Variants in BECN1 observed in about 807,000 individuals in gnomAD.
BECN1 encodes the protein beclin-1.
BECN1 carries 15 observed loss-of-function variants against 60.1 expected under a neutral mutation model. The observed-to-expected ratio is 0.25, with a 90% CI of 0.17 to 0.38. The LOEUF (loss-of-function observed/expected upper bound fraction) is 0.38, where lower values mean the gene tolerates loss of function less well. BECN1 is among the 10% of genes least tolerant of loss of function. The probability of loss-of-function intolerance (pLI) is 1.00; values close to 1 mark genes in which losing one functional copy is unlikely to be tolerated. For synonymous variants in BECN1, 179 were observed against 201.8 expected (o/e 0.89, Z 0.96); for missense variants, 424 against 548.2 (o/e 0.77, Z 2.26).
At chr17:42,814,791 G>A in intron 8 of BECN1, 118 bp from the exon 9 acceptor site, 1 of 1,289,504 alleles carries the variant, frequency 7.8e-7, no homozygotes, top group Non-Finnish European at 1.1e-6. Context: ...TATGCAAGCT[G>A]TACTTGGCAC....
intron 3 of BECN1, 122 bp from the exon 4 acceptor site, chr17:42,819,731 G>C: frequency 1.0e-6 from 1 of 996,030 alleles, no homozygotes; most frequent in Non-Finnish European, 1.5e-6. Flanking sequence ...AAACCACAGA[G>C]ACTTAAAAAA....
In BECN1 at chr17:42,811,781, C is replaced by G; in HGVS notation, c.1058G>C (p.Cys353Ser). 1 of 1,614,032 alleles carries G rather than the reference C, an allele frequency of 6.2e-7. No homozygotes were observed. The highest frequency in any genetic ancestry group is 1.7e-5 in the Admixed American group (1 of 59,990). ...CCAGAAAAACCGCAACCCCCCAGAA[C>G]AGTATAACGGCAGCTCCTGCCCAAG... ...TDKSKELPLYCSGGLRFFWDN... is the reference protein window; with the variant it reads ...TDKSKELPLYSSGGLRFFWDN... Residue 353 changes from cysteine to serine, a missense_variant, in exon 11 of 12, where the codon TGT becomes TCT. Transcript: ENST00000590099.
Position 42,814,148 on chromosome 17 carries a change from T to C in BECN1, c.981-140A>G, listed in dbSNP as rs117946163. ...CTCAACTCCCTCTCCCACCTCCCCA[T>C]TGAATCCATGTTTAAAAGATTTTGT... On this transcript the variant is annotated intron_variant, in intron 9 of 11. Transcript: ENST00000590099. 225 of 569,552 alleles carry C rather than the reference T, an allele frequency of 4.0e-4. 2 individuals carry two copies. The highest frequency in any genetic ancestry group is 6.1e-4 in the Non-Finnish European group (200 of 327,450). The allele number at this position is 569,552 out of a possible 1,614,324, so 35.3% of individuals were successfully genotyped here.
chr17:42,811,229 C>A, intron 11 of BECN1: 1 of 317,860 alleles, frequency 3.1e-6, no homozygotes, highest in Non-Finnish European at 5.7e-6. Context: ...CTGAACTTGG[C>A]GGGGGAGAAA....
intron 2 of BECN1, among the ~76,000 whole-genome samples, chr17:42,823,279 G>A (rs1300745187): frequency 2.0e-5 from 3 of 152,052 alleles, no homozygotes; most frequent in Non-Finnish European, 4.4e-5. Context: ...TTTTGAGACG[G>A]AGCCTCGCTC....
intron 10 of BECN1, 169 bp downstream of exon 10, chr17:42,813,779 C>T: frequency 2.0e-6 from 1 of 508,064 alleles, no homozygotes; most frequent in Non-Finnish European, 3.5e-6. Context: ...TTTCTGTCTA[C>T]AAGACCCCCA....
At chr17:42,817,350 G>A (rs2055169116) in intron 7 of BECN1, among the ~76,000 whole-genome samples, 1 of 151,558 alleles carries the variant, frequency 6.6e-6, no homozygotes. Context: ...GCCATAATTG[G>A]CCTTCTAAAG....
In BECN1 at chr17:42,823,745, G is replaced by A. The variant is rs796666163; in HGVS notation, c.130+3C>T. Reference sequence around the variant, plus strand: ...CCACCCTCTTTCCAAGGGTCTCGCTGACCTGTGAGTTCCTGGATGGTGACA... The same window carrying A: ...CCACCCTCTTTCCAAGGGTCTCGCTAACCTGTGAGTTCCTGGATGGTGACA... On this transcript the variant is annotated splice_donor_region_variant and intron_variant, in intron 2 of 11. Coordinates refer to ENST00000590099, the MANE Select transcript of BECN1 (RefSeq NM_001313998.2). The A allele has an allele frequency of 6.2e-7, 1 of 1,613,588 alleles. No individual in the cohort carries two copies. The highest frequency in any genetic ancestry group is 8.5e-7 in the Non-Finnish European group (1 of 1,179,664).
chr17:42,812,605 C>T (rs1220745525), intron 10 of BECN1: 1 of 149,626 alleles, frequency 6.7e-6, no homozygotes, highest in Non-Finnish European at 1.5e-5. Flanking sequence ...CCCAGCTACT[C>T]GGGAGGAGAG....
chr17:42,815,891 C>G lies in BECN1; in HGVS notation c.830+17G>C. On this transcript the variant is annotated intron_variant, in intron 8 of 11. Transcript: ENST00000590099. ...TCTAGATATGTGCAGTGCTCCTCATCCCCTAGCTCTCATTACCAGATGTGG... is the reference window on the plus strand; with the variant it reads ...TCTAGATATGTGCAGTGCTCCTCATGCCCTAGCTCTCATTACCAGATGTGG... 1 of 1,614,190 alleles carries G rather than the reference C, an allele frequency of 6.2e-7. No homozygotes were observed. Among genetic ancestry groups the G allele is most frequent in the South Asian group, 1.1e-5 (1 of 91,078 alleles).
Position 42,810,704 on chromosome 17 carries a change from T to A in BECN1, c.*56A>T. The A allele has an allele frequency of 5.3e-6, 8 of 1,507,340 alleles. No individual in the cohort carries two copies. In the South Asian group the frequency reaches 1.0e-4, roughly 20 times the overall value. The allele number at this position is 1,507,340 out of a possible 1,614,324, so 93.4% of individuals were successfully genotyped here. A position where few individuals can be genotyped will look rare whatever the true frequency, so the allele number is the denominator to read the frequency against. ...ACCCGAATTTAATTTAAAACATGTT[T>A]GCAAACAAAACAAAATTAAAAGCCT... On this transcript the variant is annotated 3_prime_UTR_variant, in exon 12 of 12. Transcript: ENST00000590099.
intron 9 of BECN1, 74 bp from the exon 10 acceptor site, chr17:42,814,082 G>T: frequency 1.9e-6 from 2 of 1,052,056 alleles, no homozygotes; most frequent in Non-Finnish European, 2.8e-6. Flanking sequence ...ACAACCCAAT[G>T]ATTTCACTCT....
At chr17:42,811,058 G>T in intron 11 of BECN1, 130 bp from the exon 12 acceptor site, 1 of 1,030,826 alleles carries the variant, frequency 9.7e-7, no homozygotes, top group Non-Finnish European at 1.3e-6. Flanking sequence ...GAATGATAGT[G>T]TATTTTGGAT....
rs2055190176 is a variant in BECN1 at position 42,818,422 on chromosome 17, A to G, written c.489-7T>C. Reference sequence around the variant, plus strand: ...TAAGATCTCCAAACAGCGTCTGCCAAAGACACAGGCAGACTATACTTACTA... The same window carrying G: ...TAAGATCTCCAAACAGCGTCTGCCAGAGACACAGGCAGACTATACTTACTA... On this transcript the variant is annotated splice_region_variant and splice_polypyrimidine_tract_variant and intron_variant, in intron 6 of 11. Transcript: ENST00000590099. 6.2e-7 allele frequency: 1 copy of G among 1,613,946 alleles called. No homozygotes were observed. Among genetic ancestry groups the G allele is most frequent in the African/African-American group, 1.3e-5 (1 of 75,022 alleles).
In BECN1 at chr17:42,816,115, A is replaced by C. The variant is rs184474102; in HGVS notation, c.684-61T>G. ...GCTTGGGGGCTAAAGTTTCTCTCTC[A>C]CCACACTATGAACGATTCTTTAGTG... On this transcript the variant is annotated intron_variant, in intron 7 of 11. Transcript: ENST00000590099. The C allele has an allele frequency of 5.4e-6, 8 of 1,482,116 alleles. No homozygotes were observed. In the Admixed American group the frequency reaches 1.6e-4, roughly 29 times the overall value. The allele number at this position is 1,482,116 out of a possible 1,614,324, so 91.8% of individuals were successfully genotyped here.
At chr17:42,816,543 T>C (rs1457649994) in intron 7 of BECN1, among the ~76,000 whole-genome samples, 3 of 151,362 alleles carry the variant, frequency 2.0e-5, no homozygotes, top group Admixed American at 6.6e-5. Context: ...TCCCAGCTAC[T>C]TGGGAGGCTG....
intron 2 of BECN1, 49 bp downstream of exon 2, chr17:42,823,699 G>T (rs1392017440): frequency 1.3e-6 from 2 of 1,597,366 alleles, no homozygotes; most frequent in African/African-American, 1.3e-5. Context: ...CACCAAAGCT[G>T]CCCACCTTCC....
In BECN1 at chr17:42,819,548, C is replaced by T; in HGVS notation, c.260G>A (p.Arg87Lys). 6.2e-7 allele frequency: 1 copy of T among 1,613,388 alleles called. No individual in the cohort carries two copies. The highest frequency in any genetic ancestry group is 8.5e-7 in the Non-Finnish European group (1 of 1,179,844). Residue 87 changes from arginine to lysine, a missense_variant and splice_region_variant, in exon 4 of 12, where the codon AGG becomes AAG. Physicochemically the swap from Arg to Lys is conservative, Grantham distance 26 (BLOSUM62 2). Transcript: ENST00000590099. ...ATGGGGGCTGAGAAGTAGTAGGCAC[C>T]TGGCTGGGGGGATGAATCTGCGAGA... ...GVSRRFIPPA[R>K]MMSTESANSF...
intron 8 of BECN1, 31 bp downstream of exon 8, chr17:42,815,877 G>A: frequency 1.2e-6 from 2 of 1,613,994 alleles, no homozygotes; most frequent in Non-Finnish European, 1.7e-6. Context: ...CTAGATATGT[G>A]CAGTGCTCCT....
Sources: allele counts gnomAD v4.1 joint callset (sites outside exome capture counted in the v4.1 genomes callset), GRCh38; gene constraint gnomAD v4.1.1; transcripts MANE v1.5; gene names NCBI Gene and HGNC (gene_info 2026-07-23, HGNC 2026-07-21).